The following SCFD2 variants were observed in gnomAD, a reference collection of about 807,000 sequenced individuals.
The protein encoded by SCFD2 is sec1 family domain containing 2, also known as sec1 family domain-containing protein 2.
A neutral mutation model predicts 58.9 loss-of-function variants in SCFD2; 54 were observed. The observed-to-expected ratio is 0.92, with a 90% CI of 0.74 to 1.15. SCFD2 has a LOEUF of 1.15. Ranked by LOEUF, SCFD2 falls within the 50% of genes most tolerant of loss-of-function variation. The pLI, the probability that SCFD2 is intolerant of heterozygous loss-of-function variation, is 0.00. For missense variants in SCFD2, 805 were observed against 836.6 expected, an observed-to-expected ratio of 0.96 and a Z score of 0.47; for synonymous variants, 321 against 335.9, an observed-to-expected ratio of 0.96 and a Z score of 0.49.
intron 1 of SCFD2, among the ~76,000 whole-genome samples, chr4:53,358,556 GA>G (rs773896119): frequency 0.053 from 5,531 of 105,298 alleles, 161 homozygotes; most frequent in African/African-American, 0.12. Context: ...CTGTCTCAGG[GA>G]AAAAAAAAAA....
intron 5 of SCFD2, among the ~76,000 whole-genome samples, chr4:52,935,907 G>A (rs1158440699): frequency 2.0e-5 from 3 of 151,696 alleles, no homozygotes; most frequent in African/African-American, 7.3e-5. Flanking sequence ...GCATGATCTC[G>A]GCTCACCACA....
At chr4:53,028,676 GA>G (rs1300497554) in intron 5 of SCFD2, among the ~76,000 whole-genome samples, 2 of 152,096 alleles carry the variant, frequency 1.3e-5, no homozygotes, top group Non-Finnish European at 2.9e-5. Flanking sequence ...AGAGTAAGAA[GA>G]AAAAAAGAAG....
At chr4:53,037,665 A>G (rs1242219141) in intron 5 of SCFD2, among the ~76,000 whole-genome samples, 1 of 152,212 alleles carries the variant, frequency 6.6e-6, no homozygotes, top group Non-Finnish European at 1.5e-5. Flanking sequence ...AAAATGGCCA[A>G]CCAATATGAC....
At chr4:53,096,126 A>G (rs560160265) in intron 5 of SCFD2, among the ~76,000 whole-genome samples, 5 of 152,278 alleles carry the variant, frequency 3.3e-5, no homozygotes, top group African/African-American at 1.2e-4. Context: ...TCATAGATGG[A>G]CATTTGGGTT....
chr4:52,920,772 G>A lies in SCFD2; in HGVS notation c.1660C>T (p.Leu554=), dbSNP rs1719715594. 5 of 1,611,114 alleles carry A rather than the reference G, an allele frequency of 3.1e-6. No individual in the cohort carries two copies. Among genetic ancestry groups the A allele is most frequent in the Non-Finnish European group, 4.2e-6 (5 of 1,178,034 alleles). ...LRDIAGARSL[L]KQFKSVYVPG... ...ACATATACAGACTTAAACTGTTTCA[G>A]GAGACTCCGAGCTCCAGCAATATCC... Residue 554 remains leucine (L), a synonymous_variant, in exon 6 of 9, where the codon CTG becomes TTG. Transcript: ENST00000401642.
intron 2 of SCFD2, among the ~76,000 whole-genome samples, chr4:53,333,534 A>G (rs62324332): frequency 0.25 from 38,190 of 151,070 alleles, 5,274 homozygotes; most frequent in Non-Finnish European, 0.32. Flanking sequence ...TGCTGGGAAA[A>G]CTGGCTAGCC....
intron 4 of SCFD2, among the ~76,000 whole-genome samples, chr4:53,212,602 G>GTGTGTGTGTGTGTGTGTGTGTGTGTT (rs57906429): frequency 6.6e-5 from 10 of 150,506 alleles, no homozygotes; most frequent in African/African-American, 2.0e-4. Context: ...GTGTGTGTGT[G>GTGTGTGTGTGTGTGTGTGTGTGTGTT]TGTGTGCATG....
At chr4:53,225,335 G>A (rs1303331744) in intron 4 of SCFD2, among the ~76,000 whole-genome samples, 5 of 151,980 alleles carry the variant, frequency 3.3e-5, no homozygotes, top group Non-Finnish European at 7.4e-5. Flanking sequence ...ATTGTTTGGG[G>A]TTTTTTATTA....
intron 4 of SCFD2, among the ~76,000 whole-genome samples, chr4:53,176,408 C>A (rs541889901): frequency 1.3e-5 from 2 of 152,156 alleles, no homozygotes; most frequent in African/African-American, 4.8e-5. Flanking sequence ...TGGGAGTGAA[C>A]TGCTGAGATA....
intron 4 of SCFD2, among the ~76,000 whole-genome samples, chr4:53,262,912 A>G (rs1160791095): frequency 1.3e-5 from 2 of 152,206 alleles, no homozygotes; most frequent in African/African-American, 2.4e-5. Context: ...GATGCTTAAC[A>G]TAGTCCCAAG....
At chr4:53,283,369 T>C (rs1731564326) in intron 3 of SCFD2, among the ~76,000 whole-genome samples, 1 of 152,222 alleles carries the variant, frequency 6.6e-6, no homozygotes, top group African/African-American at 2.4e-5. Context: ...TGTTAAAACA[T>C]ATTTAGGTTT....
intron 4 of SCFD2, among the ~76,000 whole-genome samples, chr4:53,273,211 A>G (rs1731228404): frequency 6.6e-6 from 1 of 152,192 alleles, no homozygotes; most frequent in South Asian, 2.1e-4. Flanking sequence ...TTTATGCTTC[A>G]CAATCCTCTG....
At chr4:53,187,761 G>A (rs1019782791) in intron 4 of SCFD2, among the ~76,000 whole-genome samples, 6 of 151,892 alleles carry the variant, frequency 4.0e-5, no homozygotes, top group African/African-American at 1.5e-4. Context: ...GATCTGAAAG[G>A]AAAGATATCA....
At chr4:53,213,779 A>G (rs1038123191) in intron 4 of SCFD2, among the ~76,000 whole-genome samples, 13 of 152,046 alleles carry the variant, frequency 8.6e-5, no homozygotes, top group African/African-American at 2.9e-4. Context: ...TATATTAGTT[A>G]TATCTCCTCA....
In SCFD2 at chr4:53,145,501, C is replaced by G; in HGVS notation, c.1393G>C (p.Asp465His). ...IKPVTQRTNEDYSPEELLILL... is the reference protein window; with the variant it reads ...IKPVTQRTNEHYSPEELLILL... ...ATCAGCAGTTCCTCAGGGCTGTAGT[C>G]CTCGTTGGTTCTCTGGGTTACAGGC... Residue 465 changes from aspartate (D) to histidine (H), a missense_variant, in exon 5 of 9, where the codon GAC becomes CAC. Physicochemically the swap from Asp to His is moderately conservative, Grantham distance 81. Around this residue, in one of 3 missense-constraint regions of SCFD2, gnomAD observed 633 missense variants for 646.8 expected, o/e 0.98. Transcript: ENST00000401642. The G allele has an allele frequency of 6.2e-7, 1 of 1,614,152 alleles. No homozygotes were observed. Among genetic ancestry groups the G allele is most frequent in the Non-Finnish European group, 8.5e-7 (1 of 1,180,018 alleles).
At chr4:53,079,499 C>T (rs1357407152) in intron 5 of SCFD2, among the ~76,000 whole-genome samples, 1 of 152,130 alleles carries the variant, frequency 6.6e-6, no homozygotes, top group Admixed American at 6.6e-5. Context: ...AGGTGTAAAT[C>T]AACGAAGAAC....
chr4:53,145,075 A>C (rs1391289627), intron 5 of SCFD2, among the ~76,000 whole-genome samples: 1 of 152,174 alleles, frequency 6.6e-6, no homozygotes, highest in Admixed American at 6.5e-5. Flanking sequence ...ATGAGACTCT[A>C]ACTAATGCCT....
At chr4:53,135,240 AGGCGGG>A (rs1264629497) in intron 5 of SCFD2, among the ~76,000 whole-genome samples, 1 of 152,212 alleles carries the variant, frequency 6.6e-6, no homozygotes, top group Non-Finnish European at 1.5e-5. Flanking sequence ...TCAATGCCTA[AGGCGGG>A]GGCTCTAGAA....
At chr4:52,988,103 G>A (rs1283527331) in intron 5 of SCFD2, among the ~76,000 whole-genome samples, 3 of 152,160 alleles carry the variant, frequency 2.0e-5, no homozygotes, top group African/African-American at 7.2e-5. Context: ...ATCAGCTGTG[G>A]GAGGAGAAGG....
Sources: gnomAD v4.1 joint callset for allele counts (sites outside exome capture counted in the v4.1 genomes callset) on GRCh38, gnomAD v4.1.1 for gene constraint, gnomAD v4.1.1 regional missense constraint, MANE v1.5 for transcripts, NCBI Gene and HGNC (gene_info 2026-07-23, HGNC 2026-07-21) for gene names.